Variants in ADAM23 observed in about 807,000 individuals in gnomAD.
The protein encoded by ADAM23 is ADAM metallopeptidase domain 23.
ADAM23 carries 33 observed loss-of-function variants against 120.1 expected under a neutral mutation model. That is an observed-to-expected ratio of 0.27 (90% CI 0.21 to 0.37). The LOEUF is 0.37. Among genes scored for constraint, ADAM23 ranks in the 10% least tolerant of loss-of-function variants. The pLI is 1.00. For missense variants in ADAM23, 862 were observed against 1,058.2 expected, an observed-to-expected ratio of 0.81 and a Z score of 2.57; for synonymous variants, 367 against 375.2, an observed-to-expected ratio of 0.98 and a Z score of 0.25.
chr2:206,595,689 T>G (rs1415315139), intron 23 of ADAM23, among the ~76,000 whole-genome samples: 1 of 152,212 alleles, frequency 6.6e-6, no homozygotes, highest in East Asian at 1.9e-4. Context: ...AAACAGTTAC[T>G]TCTGAACAAA....
chr2:206,559,379 G>A (rs1182918255), intron 10 of ADAM23, among the ~76,000 whole-genome samples: 1 of 152,204 alleles, frequency 6.6e-6, no homozygotes, highest in East Asian at 1.9e-4. Flanking sequence ...TATTGTGGGT[G>A]ATGCCACCCA....
intron 24 of ADAM23, 49 bp from the exon 25 acceptor site, chr2:206,609,861 C>T (rs370606072): frequency 5.3e-6 from 8 of 1,499,002 alleles, no homozygotes; most frequent in South Asian, 1.3e-5. Flanking sequence ...CTTGTGGTAA[C>T]GAAAGTGGTT....
At chr2:206,585,836 GA>G (rs1698311870) in intron 18 of ADAM23, among the ~76,000 whole-genome samples, 2 of 151,756 alleles carry the variant, frequency 1.3e-5, no homozygotes, top group Admixed American at 6.6e-5. Flanking sequence ...AAAAAACAAA[GA>G]AAAAAACTTG....
chr2:206,540,285 C>A lies in ADAM23; in HGVS notation c.574-1767C>A, dbSNP rs1697264610. ...CACACACACAGTTGTCCTTGAACTG[C>A]ACGGGTCCACTTATATGTAGACTTT... On this transcript the variant is annotated intron_variant, in intron 4 of 25. Coordinates refer to ENST00000264377, the MANE Select transcript of ADAM23 (RefSeq NM_003812.4). 2.0e-5 allele frequency among the ~76,000 whole-genome samples: 3 copies of A among 149,948 alleles called. No homozygotes were observed. The South Asian group carries it at 6.3e-4, about 32-fold the overall frequency.
intron 2 of ADAM23, among the ~76,000 whole-genome samples, chr2:206,477,895 A>ATATATATATATATATATATATAT (rs1553548627): frequency 3.8e-4 from 39 of 102,112 alleles, no homozygotes; most frequent in African/African-American, 1.1e-3. Context: ...AAAAAAAAAA[A>ATATATATATATATATATATATAT]AAATATATAT....
intron 3 of ADAM23, among the ~76,000 whole-genome samples, chr2:206,509,648 C>T (rs953412296): frequency 6.6e-6 from 1 of 152,118 alleles, no homozygotes; most frequent in East Asian, 1.9e-4. Flanking sequence ...GGGATTTCAC[C>T]ATGTTGGTTA....
In ADAM23 at chr2:206,522,434, G is replaced by T. The variant is rs1312541038; in HGVS notation, c.510-8451G>T. Reference sequence around the variant, plus strand: ...AGAATAGAACACCATATAAACAGATGTGCAGTTTTTCTGTATAGAATGAAA... The same window carrying T: ...AGAATAGAACACCATATAAACAGATTTGCAGTTTTTCTGTATAGAATGAAA... On this transcript the variant is annotated intron_variant, in intron 3 of 25. Coordinates refer to ENST00000264377, the MANE Select transcript of ADAM23 (RefSeq NM_003812.4). Among the ~76,000 whole-genome samples, 3 of 152,040 alleles carry T rather than the reference G, an allele frequency of 2.0e-5. No individual in the cohort carries two copies. In the South Asian group the frequency reaches 6.2e-4, roughly 32 times the overall value.
chr2:206,560,590 A>G (rs1697743340), intron 11 of ADAM23, among the ~76,000 whole-genome samples: 1 of 152,176 alleles, frequency 6.6e-6, no homozygotes, highest in Admixed American at 6.5e-5. Context: ...TGAACTATTC[A>G]GTTGAGTTTC....
At chr2:206,478,732 A>C (rs970128710) in intron 2 of ADAM23, among the ~76,000 whole-genome samples, 1 of 152,152 alleles carries the variant, frequency 6.6e-6, no homozygotes, top group African/African-American at 2.4e-5. Flanking sequence ...ATTTTCCTAC[A>C]GGCCATATTC....
At chr2:206,506,082 T>C (rs1438449871) in intron 3 of ADAM23, among the ~76,000 whole-genome samples, 1 of 152,202 alleles carries the variant, frequency 6.6e-6, no homozygotes, top group Non-Finnish European at 1.5e-5. Context: ...AGATTTAAAG[T>C]CTAGAGTTCT....
intron 2 of ADAM23, among the ~76,000 whole-genome samples, chr2:206,472,198 G>A (rs574446803): frequency 6.6e-6 from 1 of 152,260 alleles, no homozygotes; most frequent in East Asian, 1.9e-4. Flanking sequence ...TTCTTTGGCT[G>A]GCCATGAAGA....
chr2:206,614,422 A>T (rs1698894628), intron 25 of ADAM23, among the ~76,000 whole-genome samples: 2 of 57,784 alleles, frequency 3.5e-5, no homozygotes, highest in African/African-American at 1.5e-4. Flanking sequence ...TCCCAGGCTG[A>T]GGTGGACAGA....
chr2:206,517,933 T>G (rs1696767567), intron 3 of ADAM23, among the ~76,000 whole-genome samples: 1 of 152,316 alleles, frequency 6.6e-6, no homozygotes, highest in Admixed American at 6.5e-5. Context: ...TAGAATAGTT[T>G]CTCTCTTTTT....
chr2:206,541,987 G>A, intron 4 of ADAM23, 65 bp from the exon 5 acceptor site: 1 of 1,526,714 alleles, frequency 6.6e-7, no homozygotes, highest in Non-Finnish European at 9.1e-7. Flanking sequence ...TTTGCTTTAT[G>A]GAAGCACCCA....
chr2:206,523,260 G>A (rs778741918), intron 3 of ADAM23, among the ~76,000 whole-genome samples: 1 of 151,734 alleles, frequency 6.6e-6, no homozygotes. Flanking sequence ...CATTTCCACT[G>A]CAATCTCTCA....
At chr2:206,452,143 G>A (rs1695207435) in intron 2 of ADAM23, among the ~76,000 whole-genome samples, 1 of 152,202 alleles carries the variant, frequency 6.6e-6, no homozygotes, top group South Asian at 2.1e-4. Context: ...TCTTTAGATA[G>A]GATGACACAT....
chr2:206,505,382 T>C (rs1696476503), intron 3 of ADAM23, among the ~76,000 whole-genome samples: 1 of 152,188 alleles, frequency 6.6e-6, no homozygotes, highest in Non-Finnish European at 1.5e-5. Context: ...CTATTTGTAT[T>C]AGTTTGTTCT....
chr2:206,616,524 A>G (rs967837370), intron 25 of ADAM23, among the ~76,000 whole-genome samples: 2 of 152,142 alleles, frequency 1.3e-5, no homozygotes, highest in Admixed American at 1.3e-4. Context: ...AAAAATAAGA[A>G]CTTTGCAGGA....
rs887071384 is a variant in ADAM23 at position 206,559,710 on chromosome 2, G to A, written c.1006-245G>A. Among the ~76,000 whole-genome samples the A allele has an allele frequency of 3.2e-4, 49 of 152,188 alleles. 2 individuals carry two copies. The highest frequency in any genetic ancestry group is 1.5e-5 in the Non-Finnish European group (1 of 68,028). ...ATCCTTACTGTCTCTCCCTAGGACA[G>A]TGAATGTATTGCTCTGGGATCGAAA... On this transcript the variant is annotated intron_variant, in intron 10 of 25. Coordinates refer to ENST00000264377, the MANE Select transcript of ADAM23 (RefSeq NM_003812.4).
Sources: allele counts gnomAD v4.1 joint callset (sites outside exome capture counted in the v4.1 genomes callset), GRCh38; gene constraint gnomAD v4.1.1; transcripts MANE v1.5; gene names NCBI Gene and HGNC (gene_info 2026-07-23, HGNC 2026-07-21).